The following SMAD9 variants were observed in gnomAD, a reference collection of about 807,000 sequenced individuals.
SMAD9 encodes the protein SMAD family member 9.
SMAD9 carries 36 observed loss-of-function variants against 46.1 expected under a neutral mutation model. The observed-to-expected ratio is 0.78, with a 90% CI of 0.60 to 1.03. The LOEUF (loss-of-function observed/expected upper bound fraction) is 1.03, where lower values mean the gene tolerates loss of function less well. Ranked by LOEUF, SMAD9 falls within the 50% of genes least tolerant of loss-of-function variation. SMAD9 has a pLI of 0.00. For missense variants in SMAD9, 572 were observed against 599.8 expected (o/e 0.95, Z 0.48); for synonymous variants, 245 against 237.1 (o/e 1.03, Z -0.31).
At chr13:36,875,814 T>C (rs1478714560) in intron 2 of SMAD9, among the ~76,000 whole-genome samples, 2 of 152,176 alleles carry the variant, frequency 1.3e-5, no homozygotes, top group East Asian at 1.9e-4. Context: ...TGTAGAGACT[T>C]CTATTTCTTC....
In SMAD9 at chr13:36,865,739, G is replaced by GT; in HGVS notation, c.800dup (p.Tyr267Ter). ...IPNGDFRPVC[Y>*]EEPQHWCSVA... ...CCGAGCACCAGTGCTGGGGCTCCTCGTAACAAACTGGTCGAAAGTCTGGAA... is the reference window on the plus strand; with the variant it reads ...CCGAGCACCAGTGCTGGGGCTCCTCGTTAACAAACTGGTCGAAAGTCTGGAA... The change falls in exon 5 of 7, where the codon TAC (tyrosine) becomes TAAC (stop). Residue 267 changes from tyrosine (Y) to a stop codon, truncating the protein, a stop_gained and frameshift_variant. Coordinates refer to ENST00000379826, the MANE Select transcript of SMAD9 (RefSeq NM_001127217.3). LOFTEE classifies it high-confidence loss of function. The GT allele has an allele frequency of 3.1e-6, 5 of 1,613,984 alleles. No homozygotes were observed. Among genetic ancestry groups the GT allele is most frequent in the Non-Finnish European group, 4.2e-6 (5 of 1,179,904 alleles).
intron 3 of SMAD9, among the ~76,000 whole-genome samples, chr13:36,869,765 G>T (rs1049105222): frequency 6.6e-6 from 1 of 151,820 alleles, no homozygotes; most frequent in Non-Finnish European, 1.5e-5. Flanking sequence ...GGAGGTGGAG[G>T]TTGCAGTGAG....
intron 6 of SMAD9, 96 bp from the exon 7 acceptor site, chr13:36,848,915 C>G: frequency 1.6e-6 from 2 of 1,221,334 alleles, no homozygotes; most frequent in Non-Finnish European, 2.3e-6. Context: ...GCCCACACCC[C>G]AGCGTAGCTC....
intron 1 of SMAD9, among the ~76,000 whole-genome samples, chr13:36,887,302 AAC>A (rs1159408486): frequency 6.5e-5 from 9 of 138,900 alleles, no homozygotes; most frequent in African/African-American, 2.4e-4. Flanking sequence ...AGCTCATTGC[AAC>A]CTCCACTTCC....
rs1420379922 is a variant in SMAD9, at chr13:36,845,311, TGA to T, written c.*3363_*3364del. On this transcript the variant is annotated 3_prime_UTR_variant, in exon 7 of 7. Coordinates refer to ENST00000379826, the MANE Select transcript of SMAD9 (RefSeq NM_001127217.3). The stretch of plus-strand genomic sequence containing the variant: ...TTGGCTAACTTCTCCTGATTTATAC[TGA>T]GTGTAAAACAAAACAAAACAAAACA... The T allele has an allele frequency of 1.3e-5, 2 of 151,216 alleles. No individual in the cohort carries two copies. The highest frequency in any genetic ancestry group is 2.9e-5 in the Non-Finnish European group (2 of 68,008). 9.4% of individuals were successfully genotyped at this position (151,216 alleles called of 1,614,324 possible).
At chr13:36,895,414 C>T (rs1255578538) in intron 1 of SMAD9, among the ~76,000 whole-genome samples, 2 of 152,180 alleles carry the variant, frequency 1.3e-5, no homozygotes, top group Non-Finnish European at 2.9e-5. Context: ...TGTGGAGGGG[C>T]TGTCCTGTGC....
chr13:36,883,116 A>C (rs773212180), intron 1 of SMAD9, among the ~76,000 whole-genome samples: 1 of 152,198 alleles, frequency 6.6e-6, no homozygotes, highest in Non-Finnish European at 1.5e-5. Flanking sequence ...GTGTAAGTTT[A>C]TTCAGTTGTG....
At chr13:36,877,020 C>T (rs975073611) in intron 2 of SMAD9, among the ~76,000 whole-genome samples, 4 of 152,050 alleles carry the variant, frequency 2.6e-5, no homozygotes, top group Non-Finnish European at 4.4e-5. Context: ...AATATATTTA[C>T]CATATGTAAA....
chr13:36,871,968 G>A (rs747379269), intron 3 of SMAD9, among the ~76,000 whole-genome samples: 35 of 152,154 alleles, frequency 2.3e-4, no homozygotes, highest in Non-Finnish European at 4.4e-4. Flanking sequence ...TGTCAGCTCC[G>A]CACAGTATTT....
chr13:36,910,670 C>T (rs892995470), intron 1 of SMAD9, among the ~76,000 whole-genome samples: 2 of 152,214 alleles, frequency 1.3e-5, no homozygotes, highest in African/African-American at 2.4e-5. Flanking sequence ...GCAGCTCTAT[C>T]TTTCCTGCTC....
chr13:36,912,297 A>G (rs953194603), intron 1 of SMAD9, among the ~76,000 whole-genome samples: 1 of 152,198 alleles, frequency 6.6e-6, no homozygotes, highest in Non-Finnish European at 1.5e-5. Flanking sequence ...AGGGAAGAGA[A>G]AGGTGGGATC....
chr13:36,866,208 A>G (rs1261336883), intron 4 of SMAD9, among the ~76,000 whole-genome samples: 2 of 152,154 alleles, frequency 1.3e-5, no homozygotes, highest in Admixed American at 6.6e-5. Context: ...CTAACAAACT[A>G]GAGATGGAAA....
chr13:36,848,460 AGCACAG>A lies in SMAD9; in HGVS notation c.*210_*215del, dbSNP rs2058049804. On this transcript the variant is annotated 3_prime_UTR_variant, in exon 7 of 7. Coordinates refer to ENST00000379826, the MANE Select transcript of SMAD9 (RefSeq NM_001127217.3). ...TCCTCCCACAAAATCTGCTGCTTAT[AGCACAG>A]GCACCAAAGTCCTGCTTTTCCAATT... The A allele has an allele frequency of 1.5e-5, 9 of 583,144 alleles. No homozygotes were observed. The South Asian group carries it at 1.8e-4, about 12-fold the overall frequency. 36.1% of individuals were successfully genotyped at this position (583,144 alleles called of 1,614,324 possible).
intron 5 of SMAD9, among the ~76,000 whole-genome samples, chr13:36,861,951 A>G (rs1015986915): frequency 6.6e-6 from 1 of 151,800 alleles, no homozygotes; most frequent in African/African-American, 2.4e-5. Flanking sequence ...AAAATCTTCC[A>G]TCCTTGCCCA....
intron 1 of SMAD9, among the ~76,000 whole-genome samples, chr13:36,889,518 A>C (rs1299466127): frequency 6.6e-6 from 1 of 152,216 alleles, no homozygotes; most frequent in Non-Finnish European, 1.5e-5. Context: ...AAAGCAGCCC[A>C]TGTTACTTAA....
chr13:36,879,591 C>T lies in SMAD9; in HGVS notation c.99G>A (p.Trp33Ter). 6.2e-7 allele frequency: 1 copy of T among 1,614,204 alleles called. No individual in the cohort carries two copies. Among genetic ancestry groups the T allele is most frequent in the Non-Finnish European group, 8.5e-7 (1 of 1,180,030 alleles). ...CTAGAGAGTCCACTGCCTTCTCTGC[C>T]CACTTTTCCTCTTCATCTCCTTGCT... ...GWKQGDEEEK[W>*]AEKAVDSLVK... Residue 33 changes from tryptophan to a stop codon, truncating the protein, a stop_gained, in exon 2 of 7, where the codon TGG becomes TGA. Transcript: ENST00000379826. LOFTEE classifies it high-confidence loss of function.
At chr13:36,917,440 C>G (rs1334824375) in intron 1 of SMAD9, among the ~76,000 whole-genome samples, 1 of 151,436 alleles carries the variant, frequency 6.6e-6, no homozygotes, top group African/African-American at 2.4e-5. Flanking sequence ...AACCCACTAG[C>G]AACAGTAACC....
chr13:36,864,161 A>C (rs2058209451), intron 5 of SMAD9, among the ~76,000 whole-genome samples: 1 of 152,202 alleles, frequency 6.6e-6, no homozygotes, highest in South Asian at 2.1e-4. Context: ...ATGCTCAAGA[A>C]ACTTGTTTAG....
At position 36,879,939 on chromosome 13, in the gene SMAD9, G is replaced by A. The variant is rs2058388268; in HGVS notation, c.-186-64C>T. ...GTAACATTCAGAAAAAGTTGAAGTTGGATAGAAAGAGGCAATCTACACCTA... is the reference window on the plus strand; with the variant it reads ...GTAACATTCAGAAAAAGTTGAAGTTAGATAGAAAGAGGCAATCTACACCTA... On this transcript the variant is annotated intron_variant, in intron 1 of 6. Transcript: ENST00000379826. 4 of 481,296 alleles carry A rather than the reference G, an allele frequency of 8.3e-6. No individual in the cohort carries two copies. The East Asian group carries it at 1.4e-4, about 17-fold the overall frequency. 29.8% of individuals were successfully genotyped at this position (481,296 alleles called of 1,614,324 possible). A position where few individuals can be genotyped will look rare whatever the true frequency, so the allele number is the denominator to read the frequency against.
Sources: gnomAD v4.1 joint callset for allele counts (sites outside exome capture counted in the v4.1 genomes callset) on GRCh38, gnomAD v4.1.1 for gene constraint, MANE v1.5 for transcripts, NCBI Gene and HGNC (gene_info 2026-07-23, HGNC 2026-07-21) for gene names.